The following RGS7 variants were observed in gnomAD, a reference collection of about 807,000 sequenced individuals.
RGS7 encodes regulator of G-protein signaling 7.
RGS7 carries 27 observed loss-of-function variants against 81.1 expected under a neutral mutation model. That is an observed-to-expected ratio of 0.33 (90% CI 0.25 to 0.46). The LOEUF (loss-of-function observed/expected upper bound fraction) is 0.46, where lower values mean the gene tolerates loss of function less well. Among genes scored for constraint, RGS7 ranks in the 20% least tolerant of loss-of-function variants. RGS7 has a pLI of 1.00. For synonymous variants in RGS7, 208 were observed against 207.7 expected (o/e 1.00, Z -0.01); for missense variants, 396 against 607.4 (o/e 0.65, Z 3.66).
intron 2 of RGS7, among the ~76,000 whole-genome samples, chr1:241,345,537 C>T (rs1225182670): frequency 6.6e-6 from 1 of 152,084 alleles, no homozygotes; most frequent in Non-Finnish European, 1.5e-5. Flanking sequence ...GTATATTTAT[C>T]TGGAAATAAC....
chr1:241,268,041 C>A (rs2077681418), intron 2 of RGS7, among the ~76,000 whole-genome samples: 1 of 152,166 alleles, frequency 6.6e-6, no homozygotes, highest in African/African-American at 2.4e-5. Flanking sequence ...AAAAAGCTGA[C>A]CGGACCGTTG....
intron 2 of RGS7, among the ~76,000 whole-genome samples, chr1:241,190,945 A>G (rs1049907119): frequency 2.0e-5 from 3 of 151,780 alleles, no homozygotes; most frequent in Admixed American, 6.6e-5. Flanking sequence ...TGCAGAGGGG[A>G]TAGATGTTCT....
intron 3 of RGS7, among the ~76,000 whole-genome samples, chr1:240,995,036 G>T (rs759926406): frequency 1.2e-4 from 18 of 151,930 alleles, no homozygotes; most frequent in Non-Finnish European, 1.9e-4. Flanking sequence ...CCTGTTTTTT[G>T]AAAGTTTTTA....
intron 6 of RGS7, among the ~76,000 whole-genome samples, chr1:240,898,946 G>A (rs984993966): frequency 4.6e-5 from 7 of 152,156 alleles, no homozygotes; most frequent in Admixed American, 1.3e-4. Context: ...CTAAGGACTT[G>A]CTTTATGAAT....
chr1:241,044,159 G>A (rs1235427479), intron 3 of RGS7, among the ~76,000 whole-genome samples: 5 of 150,680 alleles, frequency 3.3e-5, no homozygotes, highest in Non-Finnish European at 7.4e-5. Context: ...TGTTGCCCAG[G>A]GTGGAGTGCA....
intron 2 of RGS7, among the ~76,000 whole-genome samples, chr1:241,266,176 A>G (rs1365498272): frequency 6.6e-6 from 1 of 152,196 alleles, no homozygotes; most frequent in East Asian, 1.9e-4. Context: ...AGAAGAGCTC[A>G]AGGGGAATTG....
At chr1:241,332,428 A>T (rs1438905945) in intron 2 of RGS7, among the ~76,000 whole-genome samples, 1 of 152,216 alleles carries the variant, frequency 6.6e-6, no homozygotes, top group African/African-American at 2.4e-5. Flanking sequence ...AATAGATTTT[A>T]TATTAATGTA....
chr1:241,043,812 T>C (rs1413505835), intron 3 of RGS7, among the ~76,000 whole-genome samples: 1 of 151,904 alleles, frequency 6.6e-6, no homozygotes, highest in Non-Finnish European at 1.5e-5. Context: ...GATGTTTTAA[T>C]GTATAAGGGA....
chr1:240,833,414 C>T (rs1694170516), intron 9 of RGS7, among the ~76,000 whole-genome samples: 1 of 152,156 alleles, frequency 6.6e-6, no homozygotes, highest in South Asian at 2.1e-4. Flanking sequence ...GTAACTGAAA[C>T]CACAGAGTGC....
At chr1:240,908,280 T>C (rs1367134287) in intron 6 of RGS7, among the ~76,000 whole-genome samples, 1 of 151,906 alleles carries the variant, frequency 6.6e-6, no homozygotes, top group Non-Finnish European at 1.5e-5. Context: ...TGAACCAACA[T>C]GGCACATGTA....
intron 9 of RGS7, among the ~76,000 whole-genome samples, chr1:240,830,720 C>G (rs1227995699): frequency 6.6e-6 from 1 of 152,100 alleles, no homozygotes; most frequent in Admixed American, 6.6e-5. Flanking sequence ...TCTGAGGAAG[C>G]TGAACTAATT....
At chr1:241,067,609 T>C (rs1181921690) in intron 3 of RGS7, among the ~76,000 whole-genome samples, 1 of 151,688 alleles carries the variant, frequency 6.6e-6, no homozygotes, top group African/African-American at 2.4e-5. Flanking sequence ...AACCTCTGCC[T>C]CCCGTGTTCC....
chr1:241,334,465 C>T (rs545275553), intron 2 of RGS7, among the ~76,000 whole-genome samples: 1 of 152,218 alleles, frequency 6.6e-6, no homozygotes, highest in South Asian at 2.1e-4. Flanking sequence ...TCCCCCCAGC[C>T]TCAAATGCTC....
chr1:240,810,542 G>A (rs1689668463), intron 14 of RGS7, among the ~76,000 whole-genome samples: 1 of 150,806 alleles, frequency 6.6e-6, no homozygotes, highest in African/African-American at 2.4e-5. Flanking sequence ...CACCTCCTGG[G>A]TTTAAGCGAT....
At chr1:241,316,102 C>T (rs952743998) in intron 2 of RGS7, among the ~76,000 whole-genome samples, 1 of 152,182 alleles carries the variant, frequency 6.6e-6, no homozygotes, top group Non-Finnish European at 1.5e-5. Context: ...TTCTTCCCCA[C>T]ACATCAAGCA....
intron 2 of RGS7, among the ~76,000 whole-genome samples, chr1:241,206,656 T>A (rs1476140391): frequency 6.6e-6 from 1 of 152,166 alleles, no homozygotes. Context: ...GTCTTTTTCA[T>A]GTACCATACT....
At chr1:241,083,238 A>G in intron 3 of RGS7, among the ~76,000 whole-genome samples, 1 of 145,514 alleles carries the variant, frequency 6.9e-6, no homozygotes, top group East Asian at 2.0e-4. Context: ...AAAAAAAAAA[A>G]AAAGAAAAAG....
chr1:241,323,263 T>C (rs191663347), intron 2 of RGS7, among the ~76,000 whole-genome samples: 1 of 152,372 alleles, frequency 6.6e-6, no homozygotes, highest in East Asian at 1.9e-4. Flanking sequence ...CTAAATAATA[T>C]GCAATGTTTT....
chr1:240,934,670 T>C (rs1324900398), intron 5 of RGS7, among the ~76,000 whole-genome samples: 2 of 152,180 alleles, frequency 1.3e-5, no homozygotes, highest in African/African-American at 4.8e-5. Context: ...TTAGCACTAA[T>C]GTAATTTTAA....
Sources: allele counts gnomAD v4.1 joint callset (sites outside exome capture counted in the v4.1 genomes callset), GRCh38; gene constraint gnomAD v4.1.1; transcripts MANE v1.5; gene names NCBI Gene and HGNC (gene_info 2026-07-23, HGNC 2026-07-21).